The following PLA2R1 variants were observed in gnomAD, a reference collection of about 807,000 sequenced individuals.
The protein encoded by PLA2R1 is phospholipase A2 receptor 1.
Under a neutral mutation model 195.9 loss-of-function variants are expected in PLA2R1, and 158 were observed. The observed-to-expected ratio is 0.81, with a 90% CI of 0.71 to 0.92. The LOEUF (loss-of-function observed/expected upper bound fraction) is 0.92, where lower values mean the gene tolerates loss of function less well. Ranked by LOEUF, PLA2R1 falls within the 40% of genes least tolerant of loss-of-function variation. The pLI is 0.00. For synonymous variants in PLA2R1, 586 were observed against 598.2 expected, an observed-to-expected ratio of 0.98 and a Z score of 0.30; for missense variants, 1,626 against 1,764.6, an observed-to-expected ratio of 0.92 and a Z score of 1.41.
At chr2:160,051,625 C>T (rs553948772) in intron 1 of PLA2R1, among the ~76,000 whole-genome samples, 1 of 152,258 alleles carries the variant, frequency 6.6e-6, no homozygotes, top group Admixed American at 6.5e-5. Flanking sequence ...GAGCTGATTA[C>T]GTTCCTAAGA....
intron 1 of PLA2R1, among the ~76,000 whole-genome samples, chr2:160,045,584 A>G (rs944132307): frequency 2.0e-5 from 3 of 152,254 alleles, no homozygotes. Flanking sequence ...TGTTAGGAAC[A>G]CAGCTGCTGA....
chr2:159,980,219 T>C (rs1022899818), intron 13 of PLA2R1, among the ~76,000 whole-genome samples: 1 of 152,188 alleles, frequency 6.6e-6, no homozygotes, highest in Non-Finnish European at 1.5e-5. Context: ...CACATTCTAT[T>C]ACTCTTGGTT....
intron 8 of PLA2R1, among the ~76,000 whole-genome samples, chr2:160,018,821 A>C (rs1692925408): frequency 6.6e-6 from 1 of 152,224 alleles, no homozygotes; most frequent in African/African-American, 2.4e-5. Flanking sequence ...AAAAGATGGA[A>C]CCATGAAACA....
In PLA2R1 at chr2:159,981,216, CGTGTGTGTGTGTGT is replaced by C. The variant is rs3061613; in HGVS notation, c.2184-1316_2184-1303del. On this transcript the variant is annotated intron_variant, in intron 13 of 29. Transcript: ENST00000283243. ...TAATAAACACACATGTATGTGCATA[CGTGTGTGTGTGTGT>C]GTGTGTGTGTGTGTCTGATTAATAA... is the stretch of plus-strand genomic sequence containing the variant. 2.0e-5 allele frequency among the ~76,000 whole-genome samples: 3 copies of C among 148,118 alleles called. No individual in the cohort carries two copies. In the Admixed American group the frequency reaches 2.0e-4, roughly 10 times the overall value.
intron 1 of PLA2R1, among the ~76,000 whole-genome samples, chr2:160,060,227 G>A (rs1247314512): frequency 3.3e-5 from 5 of 152,136 alleles, no homozygotes; most frequent in Admixed American, 1.3e-4. Context: ...GATGTCAATC[G>A]TGGCTAAAGT....
chr2:159,944,275 C>A (rs949672491), intron 28 of PLA2R1, among the ~76,000 whole-genome samples: 2 of 152,186 alleles, frequency 1.3e-5, no homozygotes, highest in Non-Finnish European at 2.9e-5. Context: ...ATGTCTGAAG[C>A]CTTCTCTAGC....
chr2:160,061,771 T>C (rs1170240046), intron 1 of PLA2R1, among the ~76,000 whole-genome samples: 1 of 151,936 alleles, frequency 6.6e-6, no homozygotes, highest in Non-Finnish European at 1.5e-5. Flanking sequence ...CAAGACCCTG[T>C]CTCAAAAAAC....
intron 3 of PLA2R1, among the ~76,000 whole-genome samples, chr2:160,038,084 T>C (rs1694275499): frequency 6.6e-6 from 1 of 152,194 alleles, no homozygotes; most frequent in South Asian, 2.1e-4. Context: ...GCATGCATTG[T>C]TGTAGAAGTC....
At position 160,062,395 on chromosome 2, in the gene PLA2R1, C is replaced by A. The variant is rs556026447; in HGVS notation, c.9G>T (p.Leu3=). The A allele has an allele frequency of 3.1e-4, 471 of 1,541,146 alleles. 1 individual carries two copies. In the African/African-American group the frequency reaches 6.0e-3, roughly 19 times the overall value. ...GCAGCAGCAGCAGCAGCGACGGCGACAGCAGCATCGCTAACCACTGGGCTC... is the reference window on the plus strand; with the variant it reads ...GCAGCAGCAGCAGCAGCGACGGCGAAAGCAGCATCGCTAACCACTGGGCTC... ML[L]SPSLLLLLLL... Residue 3 remains leucine, a synonymous_variant, in exon 1 of 30, where the codon CTG becomes CTT. Transcript: ENST00000283243.
the PLA2R1 span, among the ~76,000 whole-genome samples, chr2:159,924,240 A>G: frequency 6.6e-6 from 1 of 152,200 alleles, no homozygotes; most frequent in African/African-American, 2.4e-5. Flanking sequence ...ATGTGATTGC[A>G]TGTGAGGCCC....
intron 1 of PLA2R1, among the ~76,000 whole-genome samples, chr2:160,060,865 C>T (rs1695905552): frequency 6.6e-6 from 1 of 152,212 alleles, no homozygotes; most frequent in South Asian, 2.1e-4. Flanking sequence ...GGAATAACCA[C>T]TGCATGGTAA....
downstream of PLA2R1, among the ~76,000 whole-genome samples, chr2:159,927,530 A>G (rs912289426): frequency 6.6e-6 from 1 of 152,174 alleles, no homozygotes; most frequent in Non-Finnish European, 1.5e-5. Context: ...GGCATTTTGT[A>G]TATCTCCTCT....
Position 159,936,832 on chromosome 2 carries a change from C to T in PLA2R1, c.*4946G>A, listed in dbSNP as rs1029654876. 9 of 152,302 alleles carry T rather than the reference C, an allele frequency of 5.9e-5. No individual in the cohort carries two copies. Among genetic ancestry groups the T allele is most frequent in the Middle Eastern group, 3.4e-3 (1 of 294 alleles). 9.4% of individuals were successfully genotyped at this position (152,302 alleles called of 1,614,324 possible). A position where few individuals can be genotyped will look rare whatever the true frequency, so the allele number is the denominator to read the frequency against. Reference sequence around the variant, plus strand: ...CAAGTGTCCTGACCATAGCAGGCTTCGCATGATCAATAAATTAACTTCTGA... The same window carrying T: ...CAAGTGTCCTGACCATAGCAGGCTTTGCATGATCAATAAATTAACTTCTGA... On this transcript the variant is annotated 3_prime_UTR_variant, in exon 30 of 30. Transcript: ENST00000283243.
chr2:159,947,495 T>G lies in PLA2R1; in HGVS notation c.3774A>C (p.Lys1258Asn). Residue 1258 changes from lysine to asparagine, a missense_variant, in exon 26 of 30, where the codon AAA becomes AAC. Transcript: ENST00000283243. ...CTGTAGAAAAACTGTAGCAATTACT[T>G]TTAAATTTTATCCAGGGAATAGATG... ...SETSIPWIKF[K>N]SNCYSFSTVL... 2 of 1,613,142 alleles carry G rather than the reference T, an allele frequency of 1.2e-6. No homozygotes were observed.
Position 159,956,549 on chromosome 2 carries a change from C to G in PLA2R1, c.2983G>C (p.Gly995Arg). The G allele has an allele frequency of 6.2e-7, 1 of 1,613,628 alleles. No individual in the cohort carries two copies. The highest frequency in any genetic ancestry group is 1.1e-5 in the South Asian group (1 of 91,066). The change falls in exon 21 of 30, where the codon GGG becomes CGG. Residue 995 changes from glycine to arginine, a missense_variant. By Grantham distance (125) the Gly-to-Arg change is moderately radical. Transcript: ENST00000283243. ...THAQHFCAEE[G>R]GTLVAIESEV... ...CTTTCAATGGCGACCAGGGTCCCCC[C>G]TTCTTCAGCACAGAAATGTTGAGCA...
intron 5 of PLA2R1, among the ~76,000 whole-genome samples, 195 bp from the exon 6 acceptor site, chr2:160,028,556 C>T (rs951845330): frequency 1.3e-5 from 2 of 152,140 alleles, no homozygotes; most frequent in Admixed American, 6.5e-5. Context: ...TTCCAAAAGA[C>T]CCACTTTTAT....
intron 19 of PLA2R1, among the ~76,000 whole-genome samples, chr2:159,968,715 G>A (rs903817158): frequency 2.0e-5 from 3 of 152,174 alleles, no homozygotes; most frequent in East Asian, 1.9e-4. Context: ...CTGATGAGGA[G>A]AATTTAAAAA....
At chr2:159,995,840 T>C (rs1691173963) in intron 11 of PLA2R1, among the ~76,000 whole-genome samples, 1 of 151,978 alleles carries the variant, frequency 6.6e-6, no homozygotes, top group Non-Finnish European at 1.5e-5. Context: ...TGCCCTCCAA[T>C]CTCCTTCACT....
chr2:160,055,378 C>T (rs1220431402), intron 1 of PLA2R1, among the ~76,000 whole-genome samples: 3 of 152,176 alleles, frequency 2.0e-5, no homozygotes, highest in Admixed American at 6.5e-5. Flanking sequence ...AATTCCGTTT[C>T]CAGATTAGTA....
Sources: allele counts gnomAD v4.1 joint callset (sites outside exome capture counted in the v4.1 genomes callset), GRCh38; gene constraint gnomAD v4.1.1; transcripts MANE v1.5; gene names NCBI Gene and HGNC (gene_info 2026-07-23, HGNC 2026-07-21).